Variants in SATB2 observed in about 807,000 individuals in gnomAD.
SATB2 encodes the protein SATB homeobox 2.
SATB2 carries 1 observed loss-of-function variant against 73.4 expected under a neutral mutation model. The observed-to-expected ratio is 0.01, with a 90% confidence interval of 0.00 to 0.06. The LOEUF is 0.06. Ranked by LOEUF, SATB2 falls within the 10% of genes least tolerant of loss-of-function variation. SATB2 has a pLI of 1.00. For missense variants in SATB2, 459 were observed against 945.8 expected (o/e 0.49, Z 6.75); for synonymous variants, 397 against 367.0 (o/e 1.08, Z -0.93).
intron 3 of SATB2, among the ~76,000 whole-genome samples, chr2:199,431,572 C>T (rs1384192039): frequency 1.3e-5 from 2 of 152,184 alleles, no homozygotes; most frequent in African/African-American, 2.4e-5. Flanking sequence ...CAAATAATCA[C>T]TTTTGACTTG....
intron 9 of SATB2, among the ~76,000 whole-genome samples, chr2:199,322,139 C>G (rs1687909241): frequency 6.6e-6 from 1 of 152,174 alleles, no homozygotes; most frequent in Non-Finnish European, 1.5e-5. Flanking sequence ...AGATTACAGG[C>G]TTTTGGAATC....
At chr2:199,283,249 A>ATTT (rs58013191) in intron 10 of SATB2, among the ~76,000 whole-genome samples, 2,685 of 136,766 alleles carry the variant, frequency 0.02, 64 homozygotes, top group African/African-American at 0.044. Flanking sequence ...ATGCCTAGCT[A>ATTT]TTTTTTTTTT....
chr2:199,467,180 C>T (rs1021207003), upstream of SATB2, among the ~76,000 whole-genome samples: 1 of 152,232 alleles, frequency 6.6e-6, no homozygotes, highest in Non-Finnish European at 1.5e-5. Context: ...CTAATACAGG[C>T]GTGAAGGGCG....
intron 7 of SATB2, among the ~76,000 whole-genome samples, chr2:199,333,891 A>T (rs1688261569): frequency 6.6e-6 from 1 of 152,156 alleles, no homozygotes; most frequent in Non-Finnish European, 1.5e-5. Flanking sequence ...GTACTGAGGA[A>T]ACTGGCCCAG....
chr2:199,281,953 C>T (rs939348285), intron 10 of SATB2, among the ~76,000 whole-genome samples: 2 of 150,268 alleles, frequency 1.3e-5, no homozygotes, highest in African/African-American at 4.9e-5. Flanking sequence ...GTGATCTCAG[C>T]TCACTGCAAG....
chr2:199,386,388 A>G (rs934838831), intron 3 of SATB2, among the ~76,000 whole-genome samples: 2 of 152,176 alleles, frequency 1.3e-5, no homozygotes, highest in African/African-American at 4.8e-5. Flanking sequence ...GGGGAGAAAA[A>G]AGAACCGAAA....
Position 199,456,524 on chromosome 2 carries a change from T to C in SATB2, c.-59-428A>G, listed in dbSNP as rs1363663829. Among the ~76,000 whole-genome samples the C allele has an allele frequency of 3.3e-5, 5 of 152,120 alleles. No individual in the cohort carries two copies. The East Asian group carries it at 9.7e-4, about 29-fold the overall frequency. On this transcript the variant is annotated intron_variant, in intron 1 of 10. Coordinates refer to ENST00000417098, the MANE Select transcript of SATB2 (RefSeq NM_001172509.2). Reference sequence around the variant, plus strand: ...GAAGGGAGTTGGGGGTGTGCGCAAGTCCATAACCGAATTAACCACCCGGTA... The same window carrying C: ...GAAGGGAGTTGGGGGTGTGCGCAAGCCCATAACCGAATTAACCACCCGGTA...
At chr2:199,411,321 T>C (rs1574602987) in intron 3 of SATB2, among the ~76,000 whole-genome samples, 1 of 152,126 alleles carries the variant, frequency 6.6e-6, no homozygotes, top group Non-Finnish European at 1.5e-5. Context: ...GCCAAGTACA[T>C]CTATGCATGA....
chr2:199,379,973 T>A (rs1689721304), intron 5 of SATB2, among the ~76,000 whole-genome samples: 1 of 151,962 alleles, frequency 6.6e-6, no homozygotes, highest in African/African-American at 2.4e-5. Context: ...AATCTCCACC[T>A]CCCAGTCTGA....
At chr2:199,321,094 A>G (rs1481771128) in intron 9 of SATB2, among the ~76,000 whole-genome samples, 1 of 152,108 alleles carries the variant, frequency 6.6e-6, no homozygotes, top group African/African-American at 2.4e-5. Context: ...AGGAGGGAAG[A>G]AAATGCAAGG....
At chr2:199,425,927 G>T (rs527970165) in intron 3 of SATB2, among the ~76,000 whole-genome samples, 1 of 152,248 alleles carries the variant, frequency 6.6e-6, no homozygotes, top group South Asian at 2.1e-4. Flanking sequence ...AGCAGAGGAG[G>T]ACAAAGCATG....
chr2:199,317,433 C>T (rs1267709957), intron 9 of SATB2, among the ~76,000 whole-genome samples: 1 of 152,042 alleles, frequency 6.6e-6, no homozygotes. Flanking sequence ...ACTTCAAAGA[C>T]ACATGCAAGT....
chr2:199,469,849 A>G (rs914562643), upstream of SATB2: 1 of 152,424 alleles, frequency 6.6e-6, no homozygotes, highest in African/African-American at 2.4e-5. Context: ...GTTCACACCT[A>G]TTACATTTTT....
At chr2:199,359,841 CAT>C (rs1443922758) in intron 6 of SATB2, among the ~76,000 whole-genome samples, 1 of 152,170 alleles carries the variant, frequency 6.6e-6, no homozygotes, top group African/African-American at 2.4e-5. Flanking sequence ...TGTTAGAACT[CAT>C]AGTCTGATTT....
chr2:199,303,534 TG>T (rs1261780623), intron 10 of SATB2, among the ~76,000 whole-genome samples: 2 of 152,194 alleles, frequency 1.3e-5, no homozygotes, highest in African/African-American at 4.8e-5. Context: ...CTTTCATTCT[TG>T]GCATTGTAGA....
intron 6 of SATB2, among the ~76,000 whole-genome samples, chr2:199,351,288 A>G (rs1415734998): frequency 1.3e-5 from 2 of 151,604 alleles, no homozygotes; most frequent in African/African-American, 4.8e-5. Context: ...CAGCCTCCCA[A>G]GTAACTGGGA....
At chr2:199,392,911 T>C (rs1010865129) in intron 3 of SATB2, among the ~76,000 whole-genome samples, 1 of 152,216 alleles carries the variant, frequency 6.6e-6, no homozygotes, top group Non-Finnish European at 1.5e-5. Flanking sequence ...TTTAGGATGT[T>C]TTTAAGGGAA....
chr2:199,348,471 T>G, intron 7 of SATB2: 1 of 542,096 alleles, frequency 1.8e-6, no homozygotes, highest in Non-Finnish European at 3.3e-6. Context: ...CTGAGTTGCA[T>G]GTTGGGTTCA....
chr2:199,366,335 C>T (rs2105847079), intron 6 of SATB2, among the ~76,000 whole-genome samples: 1 of 152,146 alleles, frequency 6.6e-6, no homozygotes, highest in East Asian at 1.9e-4. Flanking sequence ...ATTACTTTCC[C>T]ATGAGAAATG....
Sources: gnomAD v4.1 joint callset for allele counts (sites outside exome capture counted in the v4.1 genomes callset) on GRCh38, gnomAD v4.1.1 for gene constraint, MANE v1.5 for transcripts, NCBI Gene and HGNC (gene_info 2026-07-23, HGNC 2026-07-21) for gene names.